NTM: variants seen among roughly 807,000 people sequenced by gnomAD.
NTM encodes the protein neurotrimin.
In NTM, 13 loss-of-function variants were observed where a neutral mutation model predicts 42.1. That is an observed-to-expected ratio of 0.31 (90% confidence interval 0.20 to 0.49). NTM has a LOEUF of 0.49. NTM is among the 20% of genes least tolerant of loss of function. The probability of loss-of-function intolerance (pLI) is 0.99; values close to 1 mark genes in which losing one functional copy is unlikely to be tolerated. For synonymous variants in NTM, 187 were observed against 179.2 expected (o/e 1.04, Z -0.35); for missense variants, 373 against 452.8 (o/e 0.82, Z 1.60).
intron 4 of NTM, among the ~76,000 whole-genome samples, chr11:132,263,233 C>T (rs1188338741): frequency 6.6e-6 from 1 of 152,234 alleles, no homozygotes; most frequent in Non-Finnish European, 1.5e-5. Flanking sequence ...GCCATCTGGC[C>T]TGTTGAAACT....
intron 1 of NTM, among the ~76,000 whole-genome samples, chr11:131,749,648 G>A (rs988221804): frequency 1.3e-5 from 2 of 152,134 alleles, no homozygotes; most frequent in African/African-American, 4.8e-5. Context: ...ACCCAGGCTG[G>A]AGTGCAATGG....
chr11:132,030,771 G>A (rs2075811849), intron 2 of NTM, among the ~76,000 whole-genome samples: 1 of 152,226 alleles, frequency 6.6e-6, no homozygotes, highest in African/African-American at 2.4e-5. Flanking sequence ...GAGAAAGGGA[G>A]AAGAAGCAGG....
chr11:131,969,601 A>G (rs7929231), intron 2 of NTM, among the ~76,000 whole-genome samples: 20,941 of 152,090 alleles, frequency 0.14, 1,539 homozygotes, highest in East Asian at 0.2. Context: ...GGGGTTTCAT[A>G]GTTTGGGGTT....
chr11:131,959,949 G>A (rs544520654), intron 2 of NTM, among the ~76,000 whole-genome samples: 1 of 152,302 alleles, frequency 6.6e-6, no homozygotes, highest in Admixed American at 6.5e-5. Context: ...CATGAATGCA[G>A]GTACAACAGC....
chr11:131,935,176 G>C (rs571315971), intron 2 of NTM, among the ~76,000 whole-genome samples: 4 of 152,272 alleles, frequency 2.6e-5, no homozygotes, highest in African/African-American at 9.6e-5. Flanking sequence ...TTATATTCTC[G>C]GCTACCTTAA....
chr11:132,286,199 G>A lies in NTM; in HGVS notation c.527-21490G>A, dbSNP rs80254883. ...AAACTGATCTATAAACTTCACAGTCGATATTATATCCCCCTCATTTTATCA... is the reference window on the plus strand; with the variant it reads ...AAACTGATCTATAAACTTCACAGTCAATATTATATCCCCCTCATTTTATCA... On this transcript the variant is annotated intron_variant, in intron 4 of 8. Transcript: ENST00000683400. Among the ~76,000 whole-genome samples, 393 of 152,074 alleles carry A rather than the reference G, an allele frequency of 2.6e-3. 4 individuals carry two copies. The East Asian group carries it at 0.029, about 11-fold the overall frequency.
intron 3 of NTM, among the ~76,000 whole-genome samples, chr11:132,161,639 T>C (rs1280260544): frequency 6.6e-6 from 1 of 151,992 alleles, no homozygotes; most frequent in African/African-American, 2.4e-5. Context: ...CTTTCTTTGC[T>C]TCCTCTCCTC....
chr11:132,128,238 GTTT>G (rs5795754), intron 2 of NTM, among the ~76,000 whole-genome samples: 5 of 149,500 alleles, frequency 3.3e-5, no homozygotes, highest in Admixed American at 6.7e-5. Context: ...CTGTGAGTGT[GTTT>G]TTTTTTTTAC....
At chr11:131,693,392 C>T (rs765914988) in intron 1 of NTM, among the ~76,000 whole-genome samples, 5 of 152,150 alleles carry the variant, frequency 3.3e-5, no homozygotes, top group African/African-American at 1.2e-4. Flanking sequence ...GCAACCTTAG[C>T]CGGGACGGAG....
intron 1 of NTM, among the ~76,000 whole-genome samples, chr11:131,510,134 C>T (rs7117193): frequency 0.12 from 18,186 of 152,022 alleles, 1,331 homozygotes; most frequent in East Asian, 0.26. Context: ...AATTTACATG[C>T]GGGATGAAGC....
chr11:132,293,474 G>C (rs2094518763), intron 4 of NTM, among the ~76,000 whole-genome samples: 1 of 152,160 alleles, frequency 6.6e-6, no homozygotes. Flanking sequence ...AGAGGTTCCT[G>C]AGTGCAGAAT....
intron 4 of NTM, among the ~76,000 whole-genome samples, chr11:132,241,712 T>G (rs1044505558): frequency 2.0e-5 from 3 of 152,340 alleles, no homozygotes; most frequent in East Asian, 1.9e-4. Flanking sequence ...GATGTAAAAC[T>G]TCTGGGGTCT....
intron 1 of NTM, among the ~76,000 whole-genome samples, chr11:131,443,205 A>T (rs1949766215): frequency 6.6e-6 from 1 of 152,218 alleles, no homozygotes; most frequent in Admixed American, 6.5e-5. Context: ...GAGTAACTCA[A>T]CTTTATAAGT....
chr11:131,674,585 A>G (rs2071029495), intron 1 of NTM, among the ~76,000 whole-genome samples: 2 of 152,224 alleles, frequency 1.3e-5, no homozygotes, highest in South Asian at 4.1e-4. Flanking sequence ...GCTTCATTTC[A>G]TTTGAAGTCA....
At chr11:131,735,810 C>T (rs1441510899) in intron 1 of NTM, among the ~76,000 whole-genome samples, 2 of 150,424 alleles carry the variant, frequency 1.3e-5, no homozygotes, top group East Asian at 2.0e-4. Context: ...GAAGCCTGTG[C>T]CGTTCCTTAG....
intron 2 of NTM, among the ~76,000 whole-genome samples, chr11:132,001,948 C>T (rs375428084): frequency 5.9e-5 from 9 of 152,036 alleles, no homozygotes; most frequent in Middle Eastern, 3.4e-3. Context: ...AGAGAGGAGG[C>T]GAATGAGTGG....
intron 1 of NTM, among the ~76,000 whole-genome samples, chr11:131,644,976 A>T (rs575851661): frequency 3.9e-5 from 6 of 152,250 alleles, no homozygotes; most frequent in Admixed American, 6.5e-5. Context: ...GGCTCACAGC[A>T]TTGCCAAGCG....
chr11:132,185,159 A>G lies in NTM; in HGVS notation c.401-26863A>G, dbSNP rs978399483. Among the ~76,000 whole-genome samples the G allele has an allele frequency of 3.9e-5, 6 of 152,210 alleles. No homozygotes were observed. The East Asian group carries it at 1.2e-3, about 29-fold the overall frequency. ...AAATCTCACTGCTGGAAGACATTTC[A>G]CACTGAAACATCTCTTTCTGTGTCT... On this transcript the variant is annotated intron_variant, in intron 3 of 8. Transcript: ENST00000683400.
intron 1 of NTM, among the ~76,000 whole-genome samples, chr11:131,587,343 G>A (rs2058963591): frequency 6.6e-6 from 1 of 152,002 alleles, no homozygotes; most frequent in African/African-American, 2.4e-5. Context: ...AGCTACTCGG[G>A]AGGCTGAGGC....
Sources: allele counts gnomAD v4.1 joint callset (sites outside exome capture counted in the v4.1 genomes callset), GRCh38; gene constraint gnomAD v4.1.1; transcripts MANE v1.5; gene names NCBI Gene and HGNC (gene_info 2026-07-23, HGNC 2026-07-21).